Variants in PSMG4 observed in about 807,000 individuals in gnomAD.
The protein encoded by PSMG4 is proteasome assembly chaperone 4.
Under a neutral mutation model 11.0 loss-of-function variants are expected in PSMG4, and 10 were observed. That is an observed-to-expected ratio of 0.91 (90% confidence interval 0.56 to 1.54). The LOEUF (loss-of-function observed/expected upper bound fraction) is 1.54, where lower values mean the gene tolerates loss of function less well. Among genes scored for constraint, PSMG4 ranks in the 40% most tolerant of loss-of-function variants. PSMG4 has a pLI of 0.00. For synonymous variants in PSMG4, 95 were observed against 71.3 expected, an observed-to-expected ratio of 1.33 and a Z score of -1.68; for missense variants, 198 against 160.9, an observed-to-expected ratio of 1.23 and a Z score of -1.25.
intron 2 of PSMG4, chr6:3,265,581 A>ATAT (rs1236563018): frequency 6.6e-6 from 1 of 152,208 alleles, no homozygotes; most frequent in African/African-American, 2.4e-5. Flanking sequence ...TGCCCCTGGG[A>ATAT]TATAGGGCAG....
chr6:3,260,289 A>ATTTT (rs1264357024), intron 1 of PSMG4, among the ~76,000 whole-genome samples: 2 of 31,072 alleles, frequency 6.4e-5, no homozygotes, highest in South Asian at 9.5e-4. Flanking sequence ...ATATATATAT[A>ATTTT]TATTTTTTTT....
At chr6:3,260,377 C>T (rs1214164764) in intron 1 of PSMG4, among the ~76,000 whole-genome samples, 22 of 142,814 alleles carry the variant, frequency 1.5e-4, no homozygotes, top group African/African-American at 5.3e-4. Flanking sequence ...CTGCAACCTC[C>T]GCCTCCCAGG....
At chr6:3,254,678 C>T (rs368291095), upstream of PSMG4, among the ~76,000 whole-genome samples, 207 of 152,214 alleles carry the variant, frequency 1.4e-3, no homozygotes, top group African/African-American at 4.6e-3. Flanking sequence ...TGCGAAACCA[C>T]TAAACTCAAC....
At chr6:3,254,945 G>A, upstream of PSMG4, 1 of 1,275,658 alleles carries the variant, frequency 7.8e-7, no homozygotes, top group South Asian at 1.5e-5. Context: ...CTGGGTGTCA[G>A]CTGTTGGGTG....
At chr6:3,255,291 C>T (rs1757722789), upstream of PSMG4, 2 of 1,529,348 alleles carry the variant, frequency 1.3e-6, no homozygotes, top group Non-Finnish European at 1.8e-6. Flanking sequence ...CTATCGGTGC[C>T]CATCCTGGGA....
upstream of PSMG4, among the ~76,000 whole-genome samples, chr6:3,256,610 T>G (rs1486656547): frequency 6.6e-6 from 1 of 152,164 alleles, no homozygotes; most frequent in African/African-American, 2.4e-5. Flanking sequence ...ATAATGTTTT[T>G]GGGGGGTGAC....
chr6:3,254,643 G>T (rs945095420), upstream of PSMG4, among the ~76,000 whole-genome samples: 1 of 152,136 alleles, frequency 6.6e-6, no homozygotes, highest in African/African-American at 2.4e-5. Context: ...TGATTGTGAA[G>T]GCCTACAGCT....
At chr6:3,263,659 A>T (rs1758076901) in intron 1 of PSMG4, 25 bp from the exon 2 acceptor site, 1 of 1,519,494 alleles carries the variant, frequency 6.6e-7, no homozygotes. Flanking sequence ...GAGAAGCTGC[A>T]GTGTGCCCTT....
intron 2 of PSMG4, chr6:3,264,394 C>T: frequency 6.6e-7 from 1 of 1,510,428 alleles, no homozygotes; most frequent in South Asian, 1.3e-5. Context: ...GGATGCCTGT[C>T]TCCTGCCCAG....
chr6:3,263,873 T>G, intron 2 of PSMG4, 114 bp downstream of exon 2: 1 of 1,473,058 alleles, frequency 6.8e-7, no homozygotes. Flanking sequence ...AACCATCACC[T>G]CATTGCTGCT....
chr6:3,260,190 C>T (rs979911578), intron 1 of PSMG4, among the ~76,000 whole-genome samples: 2 of 87,010 alleles, frequency 2.3e-5, no homozygotes, highest in African/African-American at 6.1e-5. Flanking sequence ...GATCCTCCTT[C>T]CTCAGTGAGC....
At chr6:3,254,560 G>A (rs539962482), upstream of PSMG4, among the ~76,000 whole-genome samples, 2 of 152,084 alleles carry the variant, frequency 1.3e-5, no homozygotes, top group Non-Finnish European at 2.9e-5. Context: ...TTTGTTCTCG[G>A]GGTTTGTGAG....
upstream of PSMG4, among the ~76,000 whole-genome samples, chr6:3,255,927 C>T (rs1044860369): frequency 6.6e-6 from 1 of 152,206 alleles, no homozygotes; most frequent in African/African-American, 2.4e-5. Flanking sequence ...TCCTTGGTCA[C>T]GTACCATGTA....
rs1443274692 is a variant in PSMG4, at chr6:3,267,693, C to T, written c.353C>T (p.Ala118Val). Reference sequence around the variant, plus strand: ...AACAGGATCAAGGAAGAGATGGAGGCTTTCCCCGAAAAGTTCTAGCTGAGT... The same window carrying T: ...AACAGGATCAAGGAAGAGATGGAGGTTTTCCCCGAAAAGTTCTAGCTGAGT... ...VENRIKEEME[A>V]FPEKF The change falls in exon 3 of 3, where the codon GCT becomes GTT. Residue 118 changes from alanine (A) to valine (V), a missense_variant. Ala to Val is a moderately conservative substitution (Grantham distance 64, BLOSUM62 0). Transcript: ENST00000438998. 2.6e-6 allele frequency: 4 copies of T among 1,552,088 alleles called. No individual in the cohort carries two copies. The highest frequency in any genetic ancestry group is 3.5e-6 in the Non-Finnish European group (4 of 1,147,026).
upstream of PSMG4, chr6:3,254,925 C>A: frequency 2.8e-6 from 3 of 1,059,372 alleles, no homozygotes; most frequent in Admixed American, 5.5e-5. Flanking sequence ...GTGCTTCAGC[C>A]ATTCTCTCAC....
At chr6:3,255,267 G>T, upstream of PSMG4, 1 of 1,545,268 alleles carries the variant, frequency 6.5e-7, no homozygotes, top group Non-Finnish European at 8.7e-7. Flanking sequence ...TGTTACCACG[G>T]CTGTCTTACG....
chr6:3,263,753 C>G lies in PSMG4; in HGVS notation c.244C>G (p.Arg82Gly), dbSNP rs749170153. The G allele has an allele frequency of 1.3e-6, 2 of 1,551,218 alleles. No homozygotes were observed. Among genetic ancestry groups the G allele is most frequent in the Non-Finnish European group, 1.7e-6 (2 of 1,146,806 alleles). Residue 82 changes from arginine (R) to glycine (G), a missense_variant, in exon 2 of 3, where the codon CGC becomes GGC. Coordinates refer to ENST00000438998, the MANE Select transcript of PSMG4 (RefSeq NM_001128591.2). ...CACGACCTCTACTGGCCTTGCCCAG[C>G]GCCTAGGTATGTACCCACAGCTGGC... ...SDTTSTGLAQ[R>G]LARKTNKQVF...
At chr6:3,260,892 C>T (rs567328071) in intron 1 of PSMG4, among the ~76,000 whole-genome samples, 1 of 152,358 alleles carries the variant, frequency 6.6e-6, no homozygotes, top group Admixed American at 6.5e-5. Flanking sequence ...GCTCTGTTAC[C>T]TCTTAGAGCT....
intron 1 of PSMG4, 25 bp from the exon 2 acceptor site, chr6:3,263,659 A>AGT (rs1758077113): frequency 6.6e-7 from 1 of 1,519,494 alleles, no homozygotes; most frequent in Non-Finnish European, 8.8e-7. Context: ...GAGAAGCTGC[A>AGT]GTGTGCCCTT....
Sources: gnomAD v4.1 joint callset for allele counts (sites outside exome capture counted in the v4.1 genomes callset) on GRCh38, gnomAD v4.1.1 for gene constraint, MANE v1.5 for transcripts, NCBI Gene and HGNC (gene_info 2026-07-23, HGNC 2026-07-21) for gene names.